Variants in PPP2R3C observed in about 807,000 individuals in gnomAD.
PPP2R3C encodes the protein serine/threonine-protein phosphatase 2A regulatory subunit B'' subunit gamma.
A neutral mutation model predicts 63.7 loss-of-function variants in PPP2R3C; 47 were observed. The ratio of observed to expected loss-of-function variants is 0.74; its 90% confidence interval spans 0.58 to 0.94. The LOEUF (loss-of-function observed/expected upper bound fraction) is 0.94, where lower values mean the gene tolerates loss of function less well. Ranked by LOEUF, PPP2R3C falls within the 40% of genes least tolerant of loss-of-function variation. The probability of loss-of-function intolerance (pLI) is 0.00; values close to 1 mark genes in which losing one functional copy is unlikely to be tolerated. For synonymous variants in PPP2R3C, 180 were observed against 177.4 expected (o/e 1.01, Z -0.12); for missense variants, 421 against 518.4 (o/e 0.81, Z 1.82).
At chr14:35,120,979 T>C (rs903450343) in intron 1 of PPP2R3C, among the ~76,000 whole-genome samples, 1 of 151,296 alleles carries the variant, frequency 6.6e-6, no homozygotes, top group East Asian at 1.9e-4. Context: ...AAAACACAGA[T>C]TGGCAGTTTG....
At chr14:35,088,465 G>C (rs1390970514) in intron 11 of PPP2R3C, among the ~76,000 whole-genome samples, 1 of 152,096 alleles carries the variant, frequency 6.6e-6, no homozygotes, top group Non-Finnish European at 1.5e-5. Flanking sequence ...AAGAAATGGA[G>C]GTAGACCTCC....
At chr14:35,121,578 A>G (rs138291789) in intron 1 of PPP2R3C, among the ~76,000 whole-genome samples, 88 of 152,346 alleles carry the variant, frequency 5.8e-4, no homozygotes, top group African/African-American at 1.9e-3. Flanking sequence ...CGTGACAGTA[A>G]AAAGGCAGGA....
chr14:35,116,793 CA>C, intron 1 of PPP2R3C, 56 bp from the exon 2 acceptor site: 1 of 1,351,878 alleles, frequency 7.4e-7, no homozygotes, highest in Non-Finnish European at 9.9e-7. Context: ...TACTTTTACT[CA>C]GGTCATCCTA....
At chr14:35,089,609 T>C (rs2045723916) in intron 11 of PPP2R3C, among the ~76,000 whole-genome samples, 1 of 152,052 alleles carries the variant, frequency 6.6e-6, no homozygotes, top group Non-Finnish European at 1.5e-5. Context: ...CTGCCTCAGC[T>C]TCCCTAAGTG....
chr14:35,095,881 G>T (rs1252322940), intron 9 of PPP2R3C, among the ~76,000 whole-genome samples: 1 of 143,692 alleles, frequency 7.0e-6, no homozygotes, highest in Non-Finnish European at 1.5e-5. Flanking sequence ...AAAGCCAAAG[G>T]AGTCAAAAGA....
intron 10 of PPP2R3C, among the ~76,000 whole-genome samples, chr14:35,092,802 T>C (rs2045866576): frequency 6.6e-6 from 1 of 152,108 alleles, no homozygotes; most frequent in Non-Finnish European, 1.5e-5. Context: ...TTTTAAAATA[T>C]TGTTTAAAAT....
chr14:35,113,998 A>G (rs2046637062), intron 2 of PPP2R3C, among the ~76,000 whole-genome samples: 1 of 152,184 alleles, frequency 6.6e-6, no homozygotes, highest in Non-Finnish European at 1.5e-5. Flanking sequence ...ATATTATTTA[A>G]GAATCCAGGT....
chr14:35,089,268 A>G (rs906214561), intron 11 of PPP2R3C, among the ~76,000 whole-genome samples: 2 of 152,046 alleles, frequency 1.3e-5, no homozygotes, highest in African/African-American at 4.8e-5. Flanking sequence ...ACACCCAGCT[A>G]ATTTTTAATT....
At chr14:35,117,544 T>A (rs996280925) in intron 1 of PPP2R3C, among the ~76,000 whole-genome samples, 1 of 152,200 alleles carries the variant, frequency 6.6e-6, no homozygotes, top group African/African-American at 2.4e-5. Context: ...CTCACTGCCA[T>A]ACCATTTCCA....
chr14:35,100,517 A>C (rs1179323452), intron 6 of PPP2R3C: 2 of 152,212 alleles, frequency 1.3e-5, no homozygotes, highest in African/African-American at 4.8e-5. Context: ...GTGCATCAGG[A>C]TATTTTAAAA....
At position 35,093,399 on chromosome 14, in the gene PPP2R3C, A is replaced by G. The variant is rs189891926; in HGVS notation, c.975+1649T>C. On this transcript the variant is annotated intron_variant, in intron 10 of 12. Coordinates refer to ENST00000261475, the MANE Select transcript of PPP2R3C (RefSeq NM_017917.4). ...CAGATTGTGATCTGACTTCATCCAT[A>G]GTTGTAGCCTGATTTTCTCTATTCA... Among the ~76,000 whole-genome samples the G allele has an allele frequency of 2.6e-5, 4 of 152,236 alleles. No homozygotes were observed. In the East Asian group the frequency reaches 7.7e-4, roughly 29 times the overall value.
At chr14:35,114,470 A>G (rs2046651373) in intron 2 of PPP2R3C, among the ~76,000 whole-genome samples, 1 of 152,192 alleles carries the variant, frequency 6.6e-6, no homozygotes, top group South Asian at 2.1e-4. Flanking sequence ...CTTAATCTGT[A>G]AGAACACCAG....
chr14:35,089,083 A>G (rs2045702799), intron 11 of PPP2R3C, among the ~76,000 whole-genome samples: 2 of 152,228 alleles, frequency 1.3e-5, no homozygotes, highest in Admixed American at 1.3e-4. Flanking sequence ...CGCTGATATA[A>G]GCCCATATAG....
chr14:35,111,043 T>C (rs2046540873), intron 2 of PPP2R3C, among the ~76,000 whole-genome samples: 1 of 152,038 alleles, frequency 6.6e-6, no homozygotes, highest in South Asian at 2.1e-4. Context: ...TCGACCATCC[T>C]GGCCAACACT....
intron 1 of PPP2R3C, chr14:35,117,202 A>C (rs1470703682): frequency 4.4e-6 from 2 of 455,114 alleles, no homozygotes; most frequent in African/African-American, 4.0e-5. Context: ...CAAACAAAAA[A>C]ACTCATCCTC....
At chr14:35,121,216 G>C (rs1566432798) in intron 1 of PPP2R3C, among the ~76,000 whole-genome samples, 1 of 151,996 alleles carries the variant, frequency 6.6e-6, no homozygotes, top group Non-Finnish European at 1.5e-5. Context: ...GTCTCTACTA[G>C]AAATACAAAA....
chr14:35,114,975 CAG>C (rs2046666498), intron 2 of PPP2R3C, among the ~76,000 whole-genome samples: 1 of 151,334 alleles, frequency 6.6e-6, no homozygotes, highest in African/African-American at 2.4e-5. Flanking sequence ...GCCTGGGCAA[CAG>C]AGTGAGACTC....
At chr14:35,105,672 A>G (rs2046328592) in intron 6 of PPP2R3C, among the ~76,000 whole-genome samples, 1 of 152,060 alleles carries the variant, frequency 6.6e-6, no homozygotes, top group African/African-American at 2.4e-5. Context: ...ACCGAGGTCT[A>G]TGGAAAAAAA....
At chr14:35,095,408 G>GTC (rs1416370515) in intron 9 of PPP2R3C, among the ~76,000 whole-genome samples, 1 of 152,150 alleles carries the variant, frequency 6.6e-6, no homozygotes, top group African/African-American at 2.4e-5. Context: ...GAAGGCCATA[G>GTC]TCTCTGGGCT....
Sources: allele counts gnomAD v4.1 joint callset (sites outside exome capture counted in the v4.1 genomes callset), GRCh38; gene constraint gnomAD v4.1.1; transcripts MANE v1.5; gene names NCBI Gene and HGNC (gene_info 2026-07-23, HGNC 2026-07-21).